HRG: variants seen among roughly 807,000 people sequenced by gnomAD.
HRG encodes histidine rich glycoprotein, also known as histidine-rich glycoprotein.
HRG carries 26 observed loss-of-function variants against 29.5 expected under a neutral mutation model. The ratio of observed to expected loss-of-function variants is 0.88; its 90% confidence interval spans 0.65 to 1.22. The LOEUF (loss-of-function observed/expected upper bound fraction) is 1.22, where lower values mean the gene tolerates loss of function less well. Among genes scored for constraint, HRG ranks in the 50% most tolerant of loss-of-function variants. The pLI is 0.00. For synonymous variants in HRG, 243 were observed against 240.4 expected (o/e 1.01, Z -0.10); for missense variants, 671 against 654.5 (o/e 1.03, Z -0.28).
Position 186,677,228 on chromosome 3 carries a change from A to C in HRG, c.923A>C (p.His308Pro). ...CCTCCAGATGAAAGAGATCACTCAC[A>C]TGGACCCCCACTTCCACAAGGCCCT... is the stretch of plus-strand genomic sequence containing the variant. ...PPPPDERDHS[H>P]GPPLPQGPPP... Residue 308 changes from histidine (H) to proline (P), a missense_variant, in exon 7 of 7, where the codon CAT becomes CCT. By Grantham distance (77) the His-to-Pro change is moderately conservative. Transcript: ENST00000232003. 1 of 1,614,026 alleles carries C rather than the reference A, an allele frequency of 6.2e-7. No homozygotes were observed. Among genetic ancestry groups the C allele is most frequent in the South Asian group, 1.1e-5 (1 of 91,062 alleles).
intron 5 of HRG, chr3:186,673,133 C>T (rs992836768): frequency 2.2e-5 from 11 of 510,806 alleles, no homozygotes; most frequent in East Asian, 7.5e-5. Flanking sequence ...GATGGAGTTT[C>T]GCTCTTGTTG....
intron 5 of HRG, 87 bp from the exon 6 acceptor site, chr3:186,675,002 C>G: frequency 1.1e-6 from 1 of 874,562 alleles, no homozygotes; most frequent in Non-Finnish European, 2.0e-6. Context: ...GCACTTCTTC[C>G]TTTTCTGAAT....
rs1222393051 is a variant in HRG at position 186,669,053 on chromosome 3, T to C, written c.300+2T>C. ...GATTCCAGACGTCCATCTGAAATAGTAAGTAAAGAGGGCACCTTCACTCTG... is the reference window on the plus strand; with the variant it reads ...GATTCCAGACGTCCATCTGAAATAGCAAGTAAAGAGGGCACCTTCACTCTG... On this transcript the variant is annotated splice_donor_variant, in intron 2 of 6. Transcript: ENST00000232003. LOFTEE classifies it high-confidence loss of function. The C allele has an allele frequency of 1.3e-6, 2 of 1,498,262 alleles. No homozygotes were observed. Among genetic ancestry groups the C allele is most frequent in the Non-Finnish European group, 1.9e-6 (2 of 1,073,884 alleles). The allele number at this position is 1,498,262 out of a possible 1,614,324, so 92.8% of individuals were successfully genotyped here.
chr3:186,673,631 C>T (rs1014971866), intron 5 of HRG: 1 of 152,178 alleles, frequency 6.6e-6, no homozygotes, highest in African/African-American at 2.4e-5. Context: ...AGACCCTACG[C>T]CAAGTGGTTT....
At chr3:186,673,251 G>T in intron 5 of HRG, 2 of 322,532 alleles carry the variant, frequency 6.2e-6, no homozygotes, top group Non-Finnish European at 1.2e-5. Context: ...TTACAGGCAT[G>T]CACCACCACG....
chr3:186,673,386 A>G (rs1718869431), intron 5 of HRG: 2 of 205,082 alleles, frequency 9.8e-6, no homozygotes, highest in African/African-American at 4.6e-5. Context: ...TGCTGGGGTT[A>G]CAGGCGCAAG....
chr3:186,677,495 A>C lies in HRG; in HGVS notation c.1190A>C (p.His397Pro). 6.3e-7 allele frequency: 1 copy of C among 1,598,522 alleles called. No homozygotes were observed. Among genetic ancestry groups the C allele is most frequent in the Middle Eastern group, 1.7e-4 (1 of 6,040 alleles). Residue 397 changes from histidine to proline, a missense_variant, in exon 7 of 7, where the codon CAT becomes CCT. Physicochemically the swap from His to Pro is moderately conservative, Grantham distance 77. Transcript: ENST00000232003. The part of the protein sequence containing the change: ...HGHHPHGHHP[H>P]GHHPHGHHPH... ...CACCATCCTCATGGACACCACCCCC[A>C]TGGACACCATCCCCATGGACACCAT...
chr3:186,672,955 AAGG>A, intron 5 of HRG, 88 bp downstream of exon 5: 1 of 826,872 alleles, frequency 1.2e-6, no homozygotes, highest in Non-Finnish European at 2.1e-6. Context: ...GAAGGAGAGG[AAGG>A]AGAAGAAGGA....
chr3:186,672,232 T>C (rs1197341856), intron 4 of HRG, among the ~76,000 whole-genome samples: 1 of 152,234 alleles, frequency 6.6e-6, no homozygotes, highest in African/African-American at 2.4e-5. Context: ...AGAGCTGTCT[T>C]GTAGAGCAAC....
At chr3:186,674,991 A>T in intron 5 of HRG, 98 bp from the exon 6 acceptor site, 1 of 814,442 alleles carries the variant, frequency 1.2e-6, no homozygotes, top group South Asian at 1.3e-5. Context: ...ATTTTTCTAA[A>T]GCACTTCTTC....
Position 186,672,695 on chromosome 3 carries a change from G to A in HRG, c.559-92G>A, listed in dbSNP as rs1424363002. Reference sequence around the variant, plus strand: ...ACTGGTGATTTTGAATTCTCATACTGCCTTAAAAAATATTGAATGGTAGTT... The same window carrying A: ...ACTGGTGATTTTGAATTCTCATACTACCTTAAAAAATATTGAATGGTAGTT... On this transcript the variant is annotated intron_variant, in intron 4 of 6. Coordinates refer to ENST00000232003, the MANE Select transcript of HRG (RefSeq NM_000412.5). The A allele has an allele frequency of 6.1e-6, 5 of 822,266 alleles. No homozygotes were observed. In the Admixed American group the frequency reaches 9.7e-5, roughly 16 times the overall value. The allele number at this position is 822,266 out of a possible 1,614,324, so 50.9% of individuals were successfully genotyped here.
chr3:186,668,939 A>C lies in HRG; in HGVS notation c.188A>C (p.Asn63Thr), dbSNP rs2108573329. 2 of 1,587,282 alleles carry C rather than the reference A, an allele frequency of 1.3e-6. No homozygotes were observed. Among genetic ancestry groups the C allele is most frequent in the East Asian group, 4.5e-5 (2 of 44,782 alleles). Residue 63 changes from asparagine to threonine, a missense_variant, in exon 2 of 7, where the codon AAT becomes ACT. By Grantham distance (65) the Asn-to-Thr change is moderately conservative. Coordinates refer to ENST00000232003, the MANE Select transcript of HRG (RefSeq NM_000412.5). ...IADAHLDRVE[N>T]TTVYYLVLDV... ...GTTGCTTTTGGCATTCCTCAGGAAA[A>C]TACAACTGTATATTACTTAGTCTTA...
Position 186,674,923 on chromosome 3 carries a change from G to T in HRG, c.640-166G>T. ...CTTCACCACCTGCACTTTCCCCAAA[G>T]TGTTAACAAGGAAAGATTGCTGAAC... On this transcript the variant is annotated intron_variant, in intron 5 of 6. Transcript: ENST00000232003. 2 of 696,098 alleles carry T rather than the reference G, an allele frequency of 2.9e-6. 1 individual carries two copies. Among genetic ancestry groups the T allele is most frequent in the South Asian group, 2.9e-5 (2 of 69,608 alleles). The allele number at this position is 696,098 out of a possible 1,614,324, so 43.1% of individuals were successfully genotyped here.
chr3:186,666,749 C>G (rs1171566526), intron 1 of HRG, among the ~76,000 whole-genome samples: 1 of 151,896 alleles, frequency 6.6e-6, no homozygotes, highest in African/African-American at 2.4e-5. Context: ...CCTGTCTCTA[C>G]TAAAAATACA....
At chr3:186,674,094 T>G (rs1334224840) in intron 5 of HRG, 2 of 152,158 alleles carry the variant, frequency 1.3e-5, no homozygotes, top group Non-Finnish European at 2.9e-5. Context: ...TTCTCCCTGG[T>G]CAAAAGGGAG....
At chr3:186,674,995 C>T (rs1027212028) in intron 5 of HRG, 94 bp from the exon 6 acceptor site, 2 of 834,980 alleles carry the variant, frequency 2.4e-6, no homozygotes, top group African/African-American at 1.7e-5. Flanking sequence ...TTCTAAAGCA[C>T]TTCTTCCTTT....
In HRG at chr3:186,675,197, T is replaced by C; in HGVS notation, c.741+7T>C. The C allele has an allele frequency of 6.3e-7, 1 of 1,595,366 alleles. No individual in the cohort carries two copies. Among genetic ancestry groups the C allele is most frequent in the South Asian group, 1.1e-5 (1 of 90,666 alleles). ...TGAAGTCTTCGACCCTCAGGTGGGT[T>C]GTCTAAGCAGACTTTGTCATGGCAG... is the stretch of plus-strand genomic sequence containing the variant. On this transcript the variant is annotated splice_region_variant and intron_variant, in intron 6 of 6. Coordinates refer to ENST00000232003, the MANE Select transcript of HRG (RefSeq NM_000412.5).
rs1719069696 is a variant in HRG at position 186,678,162 on chromosome 3, A to T, written c.*279A>T. ...AGAATCTCCTTCTTTCCTGGACTTA[A>T]CTCTAATTCTAGAGTCTCTGTTACT... is the stretch of plus-strand genomic sequence containing the variant. On this transcript the variant is annotated 3_prime_UTR_variant, in exon 7 of 7. Coordinates refer to ENST00000232003, the MANE Select transcript of HRG (RefSeq NM_000412.5). The T allele has an allele frequency of 2.4e-6, 1 of 419,272 alleles. No homozygotes were observed. The highest frequency in any genetic ancestry group is 2.0e-5 in the African/African-American group (1 of 49,538). The allele number at this position is 419,272 out of a possible 1,614,324, so 26.0% of individuals were successfully genotyped here. A position where few individuals can be genotyped will look rare whatever the true frequency, so the allele number is the denominator to read the frequency against.
intron 2 of HRG, 54 bp from the exon 3 acceptor site, chr3:186,669,884 G>A (rs1718732507): frequency 1.1e-6 from 1 of 877,476 alleles, no homozygotes; most frequent in African/African-American, 1.6e-5. Context: ...TATCTGACCT[G>A]AGGAAGGCAG....
Sources: allele counts gnomAD v4.1 joint callset (sites outside exome capture counted in the v4.1 genomes callset), GRCh38; gene constraint gnomAD v4.1.1; transcripts MANE v1.5; gene names NCBI Gene and HGNC (gene_info 2026-07-23, HGNC 2026-07-21).